Variants in BCAS4 observed in about 807,000 individuals in gnomAD.
The protein encoded by BCAS4 is breast carcinoma amplified sequence 4, also known as breast carcinoma-amplified sequence 4.
In BCAS4, 9 loss-of-function variants were observed where a neutral mutation model predicts 15.7. The ratio of observed to expected loss-of-function variants is 0.57; its 90% confidence interval spans 0.34 to 1.00. The LOEUF (loss-of-function observed/expected upper bound fraction) is 1.00, where lower values mean the gene tolerates loss of function less well. Among genes scored for constraint, BCAS4 ranks in the 50% least tolerant of loss-of-function variants. The probability of loss-of-function intolerance (pLI) is 0.02; values close to 1 mark genes in which losing one functional copy is unlikely to be tolerated. For missense variants in BCAS4, 225 were observed against 239.1 expected (o/e 0.94, Z 0.39); for synonymous variants, 101 against 99.5 (o/e 1.02, Z -0.09).
chr20:50,834,337 C>A (rs1171576107), intron 3 of BCAS4, among the ~76,000 whole-genome samples: 1 of 143,352 alleles, frequency 7.0e-6, no homozygotes, highest in African/African-American at 2.6e-5. Flanking sequence ...ACTCTGTTGC[C>A]CAGGCTGGAG....
downstream of BCAS4, chr20:50,881,491 A>G (rs560823535): frequency 1.3e-5 from 2 of 152,314 alleles, no homozygotes; most frequent in East Asian, 3.9e-4. Flanking sequence ...TGTCACCTAC[A>G]AAAAAGGGAA....
At chr20:50,862,446 A>G (rs1217266866) in intron 4 of BCAS4, among the ~76,000 whole-genome samples, 2 of 152,226 alleles carry the variant, frequency 1.3e-5, no homozygotes, top group African/African-American at 2.4e-5. Context: ...TGGATGGAAG[A>G]AAATGTCTTC....
chr20:50,840,433 G>C, intron 3 of BCAS4: 1 of 749,020 alleles, frequency 1.3e-6, no homozygotes, highest in Non-Finnish European at 2.4e-6. Flanking sequence ...CAGCCAGATA[G>C]ACAGATGGGA....
chr20:50,833,322 T>C (rs767490408), intron 3 of BCAS4, among the ~76,000 whole-genome samples: 1 of 152,186 alleles, frequency 6.6e-6, no homozygotes, highest in Admixed American at 6.5e-5. Context: ...CTTTGGCCTT[T>C]ATCCTGAGGA....
At chr20:50,875,654 G>A (rs537071238) in intron 4 of BCAS4, among the ~76,000 whole-genome samples, 6 of 150,452 alleles carry the variant, frequency 4.0e-5, no homozygotes, top group Admixed American at 4.0e-4. Flanking sequence ...GGTGGTGCAC[G>A]CCTATAATCC....
intron 4 of BCAS4, among the ~76,000 whole-genome samples, chr20:50,844,964 G>C (rs764498986): frequency 5.9e-5 from 9 of 152,156 alleles, no homozygotes; most frequent in Non-Finnish European, 1.3e-4. Flanking sequence ...GTGCAGCCTA[G>C]TGTGTGCGTA....
intron 2 of BCAS4, among the ~76,000 whole-genome samples, chr20:50,828,869 C>T (rs767217452): frequency 1.4e-4 from 21 of 152,054 alleles, no homozygotes; most frequent in Non-Finnish European, 1.8e-4. Context: ...GGTGAGACCA[C>T]GGGGGGCACA....
Position 50,864,627 on chromosome 20 carries a change from G to A in BCAS4, c.400-11859G>A, listed in dbSNP as rs182012475. On this transcript the variant is annotated intron_variant, in intron 4 of 4. Transcript: ENST00000371608. Reference sequence around the variant, plus strand: ...CTAAATTTTTTTTGTATTTTTAGTAGAGACAGGGTTTCGCCATGTTGGCCA... The same window carrying A: ...CTAAATTTTTTTTGTATTTTTAGTAAAGACAGGGTTTCGCCATGTTGGCCA... Among the ~76,000 whole-genome samples the A allele has an allele frequency of 8.1e-3, 1,233 of 151,458 alleles. 9 individuals carry two copies. Among genetic ancestry groups the A allele is most frequent in the Non-Finnish European group, 0.011 (762 of 67,822 alleles).
chr20:50,829,966 C>G (rs1366454241), intron 2 of BCAS4, among the ~76,000 whole-genome samples: 1 of 152,200 alleles, frequency 6.6e-6, no homozygotes, highest in African/African-American at 2.4e-5. Flanking sequence ...GATTCTGATT[C>G]TTTCCATTCG....
chr20:50,824,073 T>C (rs1037043556), intron 2 of BCAS4, among the ~76,000 whole-genome samples: 1 of 152,184 alleles, frequency 6.6e-6, no homozygotes, highest in African/African-American at 2.4e-5. Context: ...TCATCATTGT[T>C]ACCAAAGCAC....
intron 4 of BCAS4, among the ~76,000 whole-genome samples, chr20:50,858,725 A>ATTTTTT (rs58684022): frequency 3.4e-5 from 4 of 117,620 alleles, no homozygotes; most frequent in Non-Finnish European, 5.0e-5. Flanking sequence ...TTTTTCTTGA[A>ATTTTTT]TTTTTTTTTT....
chr20:50,848,440 T>G (rs577130699), intron 4 of BCAS4, among the ~76,000 whole-genome samples: 4 of 152,252 alleles, frequency 2.6e-5, no homozygotes, highest in African/African-American at 9.6e-5. Flanking sequence ...CACCTGAGCT[T>G]GGTGCTTGAG....
intron 4 of BCAS4, among the ~76,000 whole-genome samples, chr20:50,867,895 CAGAG>C (rs1979434785): frequency 6.6e-6 from 1 of 152,194 alleles, no homozygotes; most frequent in South Asian, 2.1e-4. Flanking sequence ...GCCTGGATGA[CAGAG>C]AGAGACTCCA....
intron 2 of BCAS4, 75 bp downstream of exon 2, chr20:50,818,357 G>A (rs1267375286): frequency 2.8e-6 from 4 of 1,433,284 alleles, no homozygotes; most frequent in Non-Finnish European, 3.8e-6. Context: ...TTCTGCGGAA[G>A]CCATTTTGGT....
chr20:50,814,985 GA>G lies in BCAS4; in HGVS notation c.91-3224del, dbSNP rs149768511. 3.9e-3 allele frequency among the ~76,000 whole-genome samples: 592 copies of G among 152,284 alleles called. 3 individuals carry two copies. Among genetic ancestry groups the G allele is most frequent in the African/African-American group, 0.014 (564 of 41,554 alleles). ...AAAAAAAGAGAGAAAGCGAGCTATGGAATGCAACCCCTTATCACGCACCTAT... is the reference window on the plus strand; with the variant it reads ...AAAAAAAGAGAGAAAGCGAGCTATGGATGCAACCCCTTATCACGCACCTAT... On this transcript the variant is annotated intron_variant, in intron 1 of 4. Transcript: ENST00000371608.
At chr20:50,798,732 C>T (rs1346509506) in intron 1 of BCAS4, among the ~76,000 whole-genome samples, 3 of 152,162 alleles carry the variant, frequency 2.0e-5, no homozygotes, top group African/African-American at 7.2e-5. Flanking sequence ...GCCTAGGTCT[C>T]CGTCACCCTC....
At chr20:50,870,421 G>A (rs931157785) in intron 4 of BCAS4, among the ~76,000 whole-genome samples, 1 of 152,260 alleles carries the variant, frequency 6.6e-6, no homozygotes, top group Non-Finnish European at 1.5e-5. Context: ...AGGAGAGGCT[G>A]TGAACCCAGC....
chr20:50,816,919 C>G (rs368622929), intron 1 of BCAS4, among the ~76,000 whole-genome samples: 3 of 149,832 alleles, frequency 2.0e-5, no homozygotes, highest in African/African-American at 7.4e-5. Context: ...ATTCTCTTGC[C>G]TCAGCCTACT....
chr20:50,800,718 C>T (rs183823700), intron 1 of BCAS4, among the ~76,000 whole-genome samples: 11 of 152,102 alleles, frequency 7.2e-5, no homozygotes, highest in African/African-American at 2.2e-4. Flanking sequence ...TGCACTACCA[C>T]GCCCGGCTAA....
Sources: gnomAD v4.1 joint callset for allele counts (sites outside exome capture counted in the v4.1 genomes callset) on GRCh38, gnomAD v4.1.1 for gene constraint, MANE v1.5 for transcripts, NCBI Gene and HGNC (gene_info 2026-07-23, HGNC 2026-07-21) for gene names.